SEH1L: variants seen among roughly 807,000 people sequenced by gnomAD.
SEH1L encodes the protein SEH1 like nucleoporin, also known as nucleoporin SEH1.
A neutral mutation model predicts 49.5 loss-of-function variants in SEH1L; 18 were observed. The observed-to-expected ratio is 0.36, with a 90% CI of 0.25 to 0.54. SEH1L has a LOEUF of 0.54. Among genes scored for constraint, SEH1L ranks in the 20% least tolerant of loss-of-function variants. SEH1L has a pLI of 0.87. For missense variants in SEH1L, 404 were observed against 528.8 expected (o/e 0.76, Z 2.31); for synonymous variants, 169 against 178.1 (o/e 0.95, Z 0.41).
At position 12,987,011 on chromosome 18, in the gene SEH1L, A is replaced by C. The variant is rs369825089; in HGVS notation, c.1220A>C (p.Tyr407Ser). The stretch of plus-strand genomic sequence containing the variant: ...CAGTATCCTCACCCTCGCAGACGAT[A>C]TCTCTCTCGGCCTCTTAATCCCTTA... ...NLQYPHPRRR[Y>S]LSRPLNPLPE... The change falls in exon 9 of 9, where the codon TAT (tyrosine) becomes TCT (serine). Residue 407 changes from tyrosine (Y) to serine (S), a missense_variant. Physicochemically the swap from Tyr to Ser is moderately radical, Grantham distance 144. This residue lies in a region of SEH1L where 342 missense variants were observed against 430.8 expected (regional missense o/e 0.79). Coordinates refer to ENST00000399892, the MANE Select transcript of SEH1L (RefSeq NM_001013437.2). 47 of 1,613,054 alleles carry C rather than the reference A, an allele frequency of 2.9e-5. No individual in the cohort carries two copies. The East Asian group carries it at 5.6e-4, about 19-fold the overall frequency.
At chr18:12,963,989 A>G (rs1182766862) in intron 4 of SEH1L, among the ~76,000 whole-genome samples, 1 of 152,212 alleles carries the variant, frequency 6.6e-6, no homozygotes, top group Non-Finnish European at 1.5e-5. Context: ...CTGGGATGAC[A>G]GGCGTGAGCT....
At chr18:12,962,752 T>G (rs1009924286) in intron 3 of SEH1L, among the ~76,000 whole-genome samples, 1 of 151,820 alleles carries the variant, frequency 6.6e-6, no homozygotes, top group African/African-American at 2.4e-5. Context: ...GGATTACAGG[T>G]GTAAGCCATC....
At chr18:12,953,701 T>C (rs1181416933) in intron 2 of SEH1L, among the ~76,000 whole-genome samples, 1 of 152,224 alleles carries the variant, frequency 6.6e-6, no homozygotes, top group Non-Finnish European at 1.5e-5. Flanking sequence ...ATTAATAATT[T>C]CAGAGTAAAC....
intron 1 of SEH1L, chr18:12,948,919 G>C (rs756816860): frequency 6.8e-6 from 1 of 146,138 alleles, no homozygotes; most frequent in African/African-American, 2.5e-5. Flanking sequence ...GCACGATCTC[G>C]GCTCACTGCA....
chr18:12,948,238 C>T lies in SEH1L; in HGVS notation c.111+6C>T, dbSNP rs775060873. 2 of 1,602,954 alleles carry T rather than the reference C, an allele frequency of 1.2e-6. No individual in the cohort carries two copies. On this transcript the variant is annotated splice_donor_region_variant and intron_variant, in intron 1 of 8. Transcript: ENST00000399892. ...CCAGCGATCAGAGCGTTAAGGTGCG[C>T]GCGGCGCTTGCGGGCGGGGCCGACC... is the stretch of plus-strand genomic sequence containing the variant.
At chr18:12,981,388 C>G (rs1170863031) in intron 6 of SEH1L, among the ~76,000 whole-genome samples, 2 of 152,154 alleles carry the variant, frequency 1.3e-5, no homozygotes, top group Admixed American at 6.5e-5. Context: ...GCCGAGATCA[C>G]GCCACTGCAC....
At chr18:12,978,684 A>T in intron 5 of SEH1L, 68 bp from the exon 6 acceptor site, 1 of 1,315,498 alleles carries the variant, frequency 7.6e-7, no homozygotes, top group Non-Finnish European at 1.1e-6. Context: ...AAAAGGTGAG[A>T]TGCAGTGATG....
At chr18:12,967,880 C>T (rs1026505573) in intron 4 of SEH1L, among the ~76,000 whole-genome samples, 3 of 151,308 alleles carry the variant, frequency 2.0e-5, no homozygotes, top group Non-Finnish European at 4.4e-5. Context: ...TGCCACTGCA[C>T]TCCAGCCTGG....
At chr18:12,984,260 G>T in intron 8 of SEH1L, 70 bp downstream of exon 8, 1 of 1,464,774 alleles carries the variant, frequency 6.8e-7, no homozygotes, top group Non-Finnish European at 9.5e-7. Context: ...TACTTAAGGT[G>T]GATTATTTCA....
At position 12,987,203 on chromosome 18, in the gene SEH1L, G is replaced by A; in HGVS notation, c.*146G>A. On this transcript the variant is annotated 3_prime_UTR_variant, in exon 9 of 9. Coordinates refer to ENST00000399892, the MANE Select transcript of SEH1L (RefSeq NM_001013437.2). The stretch of plus-strand genomic sequence containing the variant: ...TATTACAACCAGAATACAGTGTTTG[G>A]AACCTAAATCTGTTTGTGCGTCTGC... 1 of 530,938 alleles carries A rather than the reference G, an allele frequency of 1.9e-6. No individual in the cohort carries two copies. Among genetic ancestry groups the A allele is most frequent in the African/African-American group, 2.0e-5 (1 of 51,182 alleles). The allele number at this position is 530,938 out of a possible 1,614,324, so 32.9% of individuals were successfully genotyped here.
At chr18:12,957,262 T>C (rs927049127) in intron 3 of SEH1L, among the ~76,000 whole-genome samples, 1 of 151,558 alleles carries the variant, frequency 6.6e-6, no homozygotes. Context: ...ACTCCCCCTC[T>C]ACTAAAAATA....
At chr18:12,955,746 A>T (rs1272686411) in intron 3 of SEH1L, 137 bp downstream of exon 3, 2 of 870,034 alleles carry the variant, frequency 2.3e-6, no homozygotes, top group Admixed American at 5.9e-5. Flanking sequence ...TCTTTCTTCC[A>T]TGTTTTTTTC....
At chr18:12,961,125 C>T (rs1027316231) in intron 3 of SEH1L, among the ~76,000 whole-genome samples, 4 of 152,140 alleles carry the variant, frequency 2.6e-5, no homozygotes, top group Admixed American at 2.0e-4. Flanking sequence ...CCCACTAGTG[C>T]CTGGGAGGGG....
intron 3 of SEH1L, 69 bp from the exon 4 acceptor site, chr18:12,963,091 G>T (rs1246660672): frequency 1.8e-6 from 2 of 1,114,026 alleles, no homozygotes; most frequent in African/African-American, 1.6e-5. Context: ...TCCAGAGTCT[G>T]TGTGTCTTTT....
chr18:12,959,637 A>G (rs2145619447), intron 3 of SEH1L, among the ~76,000 whole-genome samples: 1 of 152,318 alleles, frequency 6.6e-6, no homozygotes, highest in Admixed American at 6.5e-5. Flanking sequence ...AATGATTTGC[A>G]AATATTTTCT....
At chr18:12,986,739 T>C in intron 8 of SEH1L, 123 bp from the exon 9 acceptor site, 1 of 1,235,772 alleles carries the variant, frequency 8.1e-7, no homozygotes, top group Non-Finnish European at 1.0e-6. Flanking sequence ...TTTTTTTTTT[T>C]TTCTAGCATG....
intron 5 of SEH1L, chr18:12,972,189 A>G (rs2031733385): frequency 6.6e-6 from 1 of 152,214 alleles, no homozygotes; most frequent in Non-Finnish European, 1.5e-5. Flanking sequence ...AGATAAGTGG[A>G]CAACTTGAGA....
rs1410410638 is a variant in SEH1L, at chr18:12,986,936, C to G, written c.1145C>G (p.Pro382Arg). 1.9e-6 allele frequency: 3 copies of G among 1,613,716 alleles called. No individual in the cohort carries two copies. Among genetic ancestry groups the G allele is most frequent in the Non-Finnish European group, 1.7e-6 (2 of 1,179,726 alleles). ...AGTTATGCCCAGCTCCTTCCTCCTC[C>G]TCCTCCTCCTCTGGTAGAGCACTCT... ...WSSYAQLLPP[P>R]PPPLVEHSCD... is the part of the protein sequence containing the mutation. Residue 382 changes from proline to arginine, a missense_variant, in exon 9 of 9, where the codon CCT becomes CGT. Pro to Arg is a moderately radical substitution (Grantham distance 103). This residue lies in a region of SEH1L where 342 missense variants were observed against 430.8 expected (regional missense o/e 0.79). Coordinates refer to ENST00000399892, the MANE Select transcript of SEH1L (RefSeq NM_001013437.2).
chr18:12,979,618 G>C (rs1303431629), intron 6 of SEH1L, among the ~76,000 whole-genome samples: 1 of 151,756 alleles, frequency 6.6e-6, no homozygotes, highest in African/African-American at 2.4e-5. Context: ...CTGGGCAGAG[G>C]GGCTCCTCAC....
Sources: gnomAD v4.1 joint callset for allele counts (sites outside exome capture counted in the v4.1 genomes callset) on GRCh38, gnomAD v4.1.1 for gene constraint, gnomAD v4.1.1 regional missense constraint, MANE v1.5 for transcripts, NCBI Gene and HGNC (gene_info 2026-07-23, HGNC 2026-07-21) for gene names.